The following NALF1 variants were observed in gnomAD, a reference collection of about 807,000 sequenced individuals.
NALF1 encodes the protein NALCN channel auxiliary factor 1, also known as family with sequence similarity 155 member A.
NALF1 carries 3 observed loss-of-function variants against 48.4 expected under a neutral mutation model. The observed-to-expected ratio is 0.06, with a 90% CI of 0.03 to 0.16. The LOEUF (loss-of-function observed/expected upper bound fraction) is 0.16, where lower values mean the gene tolerates loss of function less well. Ranked by LOEUF, NALF1 falls within the 10% of genes least tolerant of loss-of-function variation. The pLI, the probability that NALF1 is intolerant of heterozygous loss-of-function variation, is 1.00. For synonymous variants in NALF1, 262 were observed against 245.7 expected, an observed-to-expected ratio of 1.07 and a Z score of -0.62; for missense variants, 526 against 571.5, an observed-to-expected ratio of 0.92 and a Z score of 0.81.
chr13:107,425,587 ATC>A (rs1262749844), intron 1 of NALF1, among the ~76,000 whole-genome samples: 2 of 152,180 alleles, frequency 1.3e-5, no homozygotes, highest in African/African-American at 4.8e-5. Flanking sequence ...GATATCAGAT[ATC>A]TCTGTACAAT....
chr13:107,780,590 C>T (rs1166927945), intron 1 of NALF1, among the ~76,000 whole-genome samples: 1 of 151,748 alleles, frequency 6.6e-6, no homozygotes, highest in East Asian at 2.0e-4. Context: ...CCTCCTCCTC[C>T]CGGGTTCAAG....
intron 1 of NALF1, among the ~76,000 whole-genome samples, chr13:107,539,629 A>G (rs1480336045): frequency 1.3e-5 from 2 of 152,216 alleles, no homozygotes; most frequent in African/African-American, 4.8e-5. Flanking sequence ...TTAAAAAACA[A>G]TACATTAATA....
chr13:107,526,871 T>A (rs76696047), intron 1 of NALF1, among the ~76,000 whole-genome samples: 215 of 152,234 alleles, frequency 1.4e-3, no homozygotes, highest in African/African-American at 4.7e-3. Context: ...AAAAACACTT[T>A]CAGACATGAG....
At position 107,471,440 on chromosome 13, in the gene NALF1, A is replaced by G. The variant is rs571138131; in HGVS notation, c.916-260685T>C. Among the ~76,000 whole-genome samples the G allele has an allele frequency of 2.0e-5, 3 of 152,246 alleles. No individual in the cohort carries two copies. The South Asian group carries it at 6.2e-4, about 32-fold the overall frequency. On this transcript the variant is annotated intron_variant, in intron 1 of 2. Coordinates refer to ENST00000375915, the MANE Select transcript of NALF1 (RefSeq NM_001080396.3). ...GTCAGGGGATGGTGAAATGAAGTGA[A>G]GGGTAGGCAGGGGCAGCTGGTCAGG...
intron 1 of NALF1, among the ~76,000 whole-genome samples, chr13:107,527,759 C>A (rs1876493672): frequency 6.6e-6 from 1 of 152,096 alleles, no homozygotes; most frequent in African/African-American, 2.4e-5. Context: ...ACTTCTTTCG[C>A]TTGGGTCTCA....
At chr13:107,704,380 T>G (rs1031530536) in intron 1 of NALF1, among the ~76,000 whole-genome samples, 2 of 152,248 alleles carry the variant, frequency 1.3e-5, no homozygotes, top group Admixed American at 6.5e-5. Context: ...TTATTTTCTC[T>G]CATTCACCAA....
intron 2 of NALF1, among the ~76,000 whole-genome samples, chr13:107,209,684 G>T (rs912975156): frequency 6.6e-6 from 1 of 152,148 alleles, no homozygotes; most frequent in Non-Finnish European, 1.5e-5. Flanking sequence ...AGAGGAGTTT[G>T]GCAAGTCTAA....
chr13:107,426,462 G>A (rs1367690240), intron 1 of NALF1, among the ~76,000 whole-genome samples: 1 of 152,174 alleles, frequency 6.6e-6, no homozygotes, highest in Non-Finnish European at 1.5e-5. Flanking sequence ...TATGACTGCT[G>A]TTAGAGGCCG....
At chr13:107,677,281 A>C (rs1174113584) in intron 1 of NALF1, among the ~76,000 whole-genome samples, 1 of 152,180 alleles carries the variant, frequency 6.6e-6, no homozygotes, top group Non-Finnish European at 1.5e-5. Context: ...CCTTACCTCA[A>C]GTGATCTGCC....
intron 1 of NALF1, among the ~76,000 whole-genome samples, chr13:107,530,174 G>A (rs1229018012): frequency 6.6e-6 from 1 of 151,970 alleles, no homozygotes; most frequent in African/African-American, 2.4e-5. Context: ...AATGAGGCAG[G>A]CTCAGTCTTA....
chr13:107,717,554 G>A (rs745616552), intron 1 of NALF1, among the ~76,000 whole-genome samples: 10 of 151,548 alleles, frequency 6.6e-5, no homozygotes, highest in Non-Finnish European at 1.5e-4. Flanking sequence ...TCTCGGAGAT[G>A]TTAGGTAAAA....
In NALF1 at chr13:107,764,487, C is replaced by T. The variant is rs1348890755; in HGVS notation, c.915+101195G>A. On this transcript the variant is annotated intron_variant, in intron 1 of 2. Transcript: ENST00000375915. ...GACAGAGAGAGAGAAAGGAAGACTT[C>T]GGCATGAATACACCAATATCTGGTA... 3.9e-5 allele frequency among the ~76,000 whole-genome samples: 6 copies of T among 152,102 alleles called. No individual in the cohort carries two copies. The South Asian group carries it at 6.2e-4, about 16-fold the overall frequency.
intron 1 of NALF1, among the ~76,000 whole-genome samples, chr13:107,608,182 G>A (rs752014423): frequency 6.6e-6 from 1 of 152,176 alleles, no homozygotes; most frequent in Non-Finnish European, 1.5e-5. Context: ...TAGGTCATTA[G>A]AGGTAAAACA....
intron 2 of NALF1, among the ~76,000 whole-genome samples, chr13:107,200,866 G>A (rs916581608): frequency 2.6e-5 from 4 of 152,098 alleles, no homozygotes; most frequent in Non-Finnish European, 4.4e-5. Flanking sequence ...CTGTAGTCCC[G>A]GTGACTTTAG....
chr13:107,481,353 C>G (rs574604358), intron 1 of NALF1, among the ~76,000 whole-genome samples: 1 of 152,300 alleles, frequency 6.6e-6, no homozygotes, highest in African/African-American at 2.4e-5. Context: ...AACGATACAT[C>G]TTGTCACAAT....
intron 1 of NALF1, among the ~76,000 whole-genome samples, chr13:107,824,895 C>G (rs891239243): frequency 6.6e-6 from 1 of 152,124 alleles, no homozygotes; most frequent in Non-Finnish European, 1.5e-5. Flanking sequence ...CTTCACTGGC[C>G]AATGTCAGAT....
intron 1 of NALF1, among the ~76,000 whole-genome samples, chr13:107,241,918 C>T (rs1939659809): frequency 6.6e-6 from 1 of 152,144 alleles, no homozygotes; most frequent in Admixed American, 6.5e-5. Context: ...CGGAATGGCT[C>T]CCCAGGCCCT....
intron 2 of NALF1, among the ~76,000 whole-genome samples, chr13:107,206,321 TAG>T (rs1304944236): frequency 6.6e-6 from 1 of 152,196 alleles, no homozygotes. Context: ...GATCCGTGGT[TAG>T]AACATTTGGT....
At chr13:107,731,347 T>A (rs1193174183) in intron 1 of NALF1, among the ~76,000 whole-genome samples, 1 of 152,188 alleles carries the variant, frequency 6.6e-6, no homozygotes, top group Non-Finnish European at 1.5e-5. Context: ...TAAAACATTA[T>A]ACTTTGGGGT....
Sources: gnomAD v4.1 joint callset for allele counts (sites outside exome capture counted in the v4.1 genomes callset) on GRCh38, gnomAD v4.1.1 for gene constraint, MANE v1.5 for transcripts, NCBI Gene and HGNC (gene_info 2026-07-23, HGNC 2026-07-21) for gene names.